Variants in PPP1R12B observed in about 807,000 individuals in gnomAD.
PPP1R12B encodes myosin phosphatase target subunit 2.
PPP1R12B carries 76 observed loss-of-function variants against 126.1 expected under a neutral mutation model. The observed-to-expected ratio is 0.60, with a 90% CI of 0.50 to 0.73. The LOEUF is 0.73. PPP1R12B is among the 30% of genes least tolerant of loss of function. The pLI, the probability that PPP1R12B is intolerant of heterozygous loss-of-function variation, is 0.00. For missense variants in PPP1R12B, 1,052 were observed against 1,205.1 expected (o/e 0.87, Z 1.88); for synonymous variants, 356 against 434.7 (o/e 0.82, Z 2.25).
At chr1:202,395,935 A>G (rs577936020) in intron 1 of PPP1R12B, among the ~76,000 whole-genome samples, 2 of 152,344 alleles carry the variant, frequency 1.3e-5, no homozygotes, top group Middle Eastern at 3.4e-3. Context: ...CCAAATTCAA[A>G]TAGATCCTTT....
Position 202,587,548 on chromosome 1 carries a change from TAATC to T in PPP1R12B, c.*6994_*6997del, listed in dbSNP as rs958442435. 3.3e-5 allele frequency: 5 copies of T among 152,168 alleles called. No homozygotes were observed. Among genetic ancestry groups the T allele is most frequent in the South Asian group, 2.1e-4 (1 of 4,828 alleles). The allele number at this position is 152,168 out of a possible 1,614,324, so 9.4% of individuals were successfully genotyped here. The stretch of plus-strand genomic sequence containing the variant: ...GAAGTGTGTCTTCCCAGCACAAACC[TAATC>T]AATCAGTGTATCAGTGCATCTGGTG... On this transcript the variant is annotated 3_prime_UTR_variant, in exon 24 of 24. Transcript: ENST00000608999.
chr1:202,507,960 A>G (rs1293770651), intron 18 of PPP1R12B, among the ~76,000 whole-genome samples: 4 of 152,212 alleles, frequency 2.6e-5, no homozygotes, highest in African/African-American at 7.2e-5. Flanking sequence ...AGCAAATGGA[A>G]TGTTTATAGA....
At chr1:202,416,607 A>G (rs1668101853) in intron 1 of PPP1R12B, among the ~76,000 whole-genome samples, 180 bp from the exon 2 acceptor site, 1 of 152,002 alleles carries the variant, frequency 6.6e-6, no homozygotes, top group African/African-American at 2.4e-5. Flanking sequence ...GCATGGAGAC[A>G]TTTAAGCGCT....
At chr1:202,443,225 CATT>C (rs544371165) in intron 12 of PPP1R12B, 85 of 527,686 alleles carry the variant, frequency 1.6e-4, no homozygotes, top group Non-Finnish European at 2.0e-4. Flanking sequence ...TTGCCAGAGC[CATT>C]AAGCTACAAA....
rs1181173517 is a variant in PPP1R12B at position 202,419,374 on chromosome 1, A to G, written c.422+2457A>G. ...CAAGAAGGCCTTATTTTCTAGGGGC[A>G]TATTTATTGAGCTAGTGGCTGTTTG... On this transcript the variant is annotated intron_variant, in intron 2 of 23. Coordinates refer to ENST00000608999, the MANE Select transcript of PPP1R12B (RefSeq NM_002481.4). The surrounding 1 kb of genome is among the most constrained non-coding windows in gnomAD (Gnocchi z 4.6). Among the ~76,000 whole-genome samples the G allele has an allele frequency of 3.3e-5, 5 of 152,176 alleles. No individual in the cohort carries two copies. The highest frequency in any genetic ancestry group is 7.4e-5 in the Non-Finnish European group (5 of 68,024).
intron 18 of PPP1R12B, among the ~76,000 whole-genome samples, chr1:202,509,314 G>T (rs1681165729): frequency 6.6e-6 from 1 of 152,224 alleles, no homozygotes; most frequent in Non-Finnish European, 1.5e-5. Flanking sequence ...CAGGAAGCAA[G>T]CTGTAAAACT....
chr1:202,349,171 C>T (rs781358345), intron 1 of PPP1R12B, 29 bp downstream of exon 1: 14 of 1,611,620 alleles, frequency 8.7e-6, no homozygotes, highest in Non-Finnish European at 3.4e-6. Flanking sequence ...TTAGAGGCGT[C>T]CAGTCTCCTA....
intron 1 of PPP1R12B, among the ~76,000 whole-genome samples, chr1:202,354,707 G>A (rs1362515943): frequency 6.6e-6 from 1 of 151,494 alleles, no homozygotes; most frequent in Non-Finnish European, 1.5e-5. Flanking sequence ...GGAGTGCAGT[G>A]CACGATCTCG....
chr1:202,467,184 A>G (rs1463352983), intron 13 of PPP1R12B, among the ~76,000 whole-genome samples: 1 of 151,292 alleles, frequency 6.6e-6, no homozygotes, highest in Non-Finnish European at 1.5e-5. Flanking sequence ...TCCTGCAAGC[A>G]ATGCTGTCCT....
intron 13 of PPP1R12B, among the ~76,000 whole-genome samples, chr1:202,488,073 A>G (rs1242850013): frequency 6.6e-6 from 1 of 152,256 alleles, no homozygotes; most frequent in Non-Finnish European, 1.5e-5. Flanking sequence ...GAACAGTTAT[A>G]ACAAAATGCC....
chr1:202,423,006 G>C (rs1201117037), intron 3 of PPP1R12B, among the ~76,000 whole-genome samples: 1 of 152,152 alleles, frequency 6.6e-6, no homozygotes, highest in African/African-American at 2.4e-5. Context: ...GTGACCTGAT[G>C]AGGACTGTGT....
chr1:202,419,581 T>C lies in PPP1R12B; in HGVS notation c.422+2664T>C, dbSNP rs1668500663. Among the ~76,000 whole-genome samples, 1 of 152,170 alleles carries C rather than the reference T, an allele frequency of 6.6e-6. No homozygotes were observed. The highest frequency in any genetic ancestry group is 1.5e-5 in the Non-Finnish European group (1 of 68,026). The stretch of plus-strand genomic sequence containing the variant: ...ACTTTCTAAAAATTCGTCTTCTTGA[T>C]TGTAGAACATGGGAAAAGCAGGGTC... On this transcript the variant is annotated intron_variant, in intron 2 of 23. Coordinates refer to ENST00000608999, the MANE Select transcript of PPP1R12B (RefSeq NM_002481.4). The surrounding 1 kb of genome is among the most constrained non-coding windows in gnomAD (Gnocchi z 4.6).
At chr1:202,384,453 A>G (rs946500434) in intron 1 of PPP1R12B, among the ~76,000 whole-genome samples, 6 of 152,258 alleles carry the variant, frequency 3.9e-5, no homozygotes, top group African/African-American at 9.6e-5. Flanking sequence ...GTCAGACACA[A>G]TAGGCTACAT....
intron 18 of PPP1R12B, among the ~76,000 whole-genome samples, chr1:202,520,907 G>A (rs146291984): frequency 6.6e-6 from 1 of 152,114 alleles, no homozygotes; most frequent in Non-Finnish European, 1.5e-5. Context: ...GCAGGGGATC[G>A]GGGGGTGCTA....
chr1:202,439,914 G>A (rs1299225261), intron 10 of PPP1R12B: 103 of 216,166 alleles, frequency 4.8e-4, no homozygotes, highest in African/African-American at 2.0e-3. Context: ...CTCACTTCCT[G>A]CCACAGTGTA....
At chr1:202,455,831 G>C (rs1156789174) in intron 13 of PPP1R12B, among the ~76,000 whole-genome samples, 1 of 152,148 alleles carries the variant, frequency 6.6e-6, no homozygotes, top group Non-Finnish European at 1.5e-5. Flanking sequence ...TTAAACTCTG[G>C]CTGCAGTTTT....
At chr1:202,352,407 T>C (rs969773453) in intron 1 of PPP1R12B, among the ~76,000 whole-genome samples, 3 of 152,330 alleles carry the variant, frequency 2.0e-5, no homozygotes, top group East Asian at 1.9e-4. Flanking sequence ...AAGAGATTTT[T>C]CTAGGATTTA....
At chr1:202,463,496 CAG>C (rs1376306083) in intron 13 of PPP1R12B, among the ~76,000 whole-genome samples, 2 of 151,994 alleles carry the variant, frequency 1.3e-5, no homozygotes, top group African/African-American at 2.4e-5. Flanking sequence ...ATAAGTAAAA[CAG>C]AAAAAAGTAT....
chr1:202,434,394 G>T (rs1038699611), intron 8 of PPP1R12B, among the ~76,000 whole-genome samples: 3 of 152,198 alleles, frequency 2.0e-5, no homozygotes, highest in East Asian at 1.9e-4. Flanking sequence ...TTTTATATAT[G>T]ATATAATAAT....
Sources: gnomAD v4.1 joint callset for allele counts (sites outside exome capture counted in the v4.1 genomes callset) on GRCh38, gnomAD v4.1.1 for gene constraint, Gnocchi (gnomAD v3.1) non-coding constraint, MANE v1.5 for transcripts, NCBI Gene and HGNC (gene_info 2026-07-23, HGNC 2026-07-21) for gene names.